The following ANO3 variants were observed in gnomAD, a reference collection of about 807,000 sequenced individuals.
The protein encoded by ANO3 is anoctamin-3.
In ANO3, 99 loss-of-function variants were observed where a neutral mutation model predicts 144.8. That is an observed-to-expected ratio of 0.68 (90% CI 0.58 to 0.81). ANO3 has a LOEUF of 0.81. ANO3 is among the 30% of genes least tolerant of loss of function. ANO3 has a pLI of 0.00. For synonymous variants in ANO3, 414 were observed against 392.6 expected, an observed-to-expected ratio of 1.05 and a Z score of -0.64; for missense variants, 905 against 1,202.2, an observed-to-expected ratio of 0.75 and a Z score of 3.66.
chr11:26,291,475 T>TGTTA (rs1564951581), intron 1 of ANO3, among the ~76,000 whole-genome samples: 1 of 152,154 alleles, frequency 6.6e-6, no homozygotes, highest in Non-Finnish European at 1.5e-5. Flanking sequence ...TTATTTTGTT[T>TGTTA]GTTAGTTGAT....
At chr11:26,424,320 A>G (rs538440525) in intron 1 of ANO3, among the ~76,000 whole-genome samples, 2 of 151,034 alleles carry the variant, frequency 1.3e-5, no homozygotes, top group African/African-American at 4.9e-5. Flanking sequence ...TTCACTTAAC[A>G]TGTCACTTCT....
intron 23 of ANO3, among the ~76,000 whole-genome samples, chr11:26,643,762 A>C (rs1853248842): frequency 6.6e-6 from 1 of 152,038 alleles, no homozygotes; most frequent in African/African-American, 2.4e-5. Context: ...ATGATCCCTC[A>C]TGAATGGGAT....
At chr11:26,420,366 T>C (rs1206672134) in intron 1 of ANO3, among the ~76,000 whole-genome samples, 1 of 152,078 alleles carries the variant, frequency 6.6e-6, no homozygotes. Context: ...ATATTTGTAA[T>C]AGGTAATCTC....
chr11:26,545,718 A>T (rs1849769512), intron 11 of ANO3, among the ~76,000 whole-genome samples: 1 of 133,718 alleles, frequency 7.5e-6, no homozygotes. Context: ...AATATTAAAA[A>T]AAAAAAAAAC....
At chr11:26,354,976 T>A (rs1395603724) in intron 1 of ANO3, among the ~76,000 whole-genome samples, 1 of 151,296 alleles carries the variant, frequency 6.6e-6, no homozygotes, top group East Asian at 2.0e-4. Flanking sequence ...CTAGCAATAA[T>A]GTTTTCTTGT....
In ANO3 at chr11:26,267,933, G is replaced by A. The variant is rs145727399; in HGVS notation, c.155-41712G>A. On this transcript the variant is annotated intron_variant, in intron 1 of 27. Coordinates refer to the ANO3 transcript ENST00000672621. ...AATCATATGCTAAAATAAAAATTTC[G>A]CAAAAACTATTTTAAAATCCAAAGT... Among the ~76,000 whole-genome samples, 67 of 151,824 alleles carry A rather than the reference G, an allele frequency of 4.4e-4. No homozygotes were observed. In the East Asian group the frequency reaches 0.01, roughly 24 times the overall value.
At chr11:26,603,948 T>C (rs1237121269) in intron 17 of ANO3, among the ~76,000 whole-genome samples, 1 of 152,148 alleles carries the variant, frequency 6.6e-6, no homozygotes, top group East Asian at 1.9e-4. Flanking sequence ...ATCATTTCTT[T>C]GTGATGGTCA....
chr11:26,382,431 G>A (rs763822820), intron 1 of ANO3, among the ~76,000 whole-genome samples: 7 of 152,050 alleles, frequency 4.6e-5, no homozygotes, highest in Admixed American at 2.6e-4. Context: ...TACCTGGCTC[G>A]TCTGCTCTTA....
At chr11:26,218,278 T>C in intron 1 of ANO3, among the ~76,000 whole-genome samples, 1 of 152,130 alleles carries the variant, frequency 6.6e-6, no homozygotes, top group East Asian at 1.9e-4. Flanking sequence ...AATGACATGG[T>C]AGCTGTGCTT....
At chr11:26,572,941 G>C (rs1362006011) in intron 14 of ANO3, among the ~76,000 whole-genome samples, 1 of 152,128 alleles carries the variant, frequency 6.6e-6, no homozygotes, top group Non-Finnish European at 1.5e-5. Context: ...AATTTCAGAA[G>C]TGCCCAGGTA....
chr11:26,591,384 C>T lies in ANO3; in HGVS notation c.1448-6981C>T, dbSNP rs1851448516. ...TGGGCTAGCAGGCTGGTCCAGGGGT[C>T]TGCAGTAGATCTTAGTCATGGACTG... On this transcript the variant is annotated intron_variant, in intron 14 of 26. Coordinates refer to ENST00000256737, the MANE Select transcript of ANO3 (RefSeq NM_031418.4). Among the ~76,000 whole-genome samples, 3 of 152,114 alleles carry T rather than the reference C, an allele frequency of 2.0e-5. No homozygotes were observed. The South Asian group carries it at 6.2e-4, about 32-fold the overall frequency.
chr11:26,606,143 TTCTCAC>T (rs940246495), intron 17 of ANO3, among the ~76,000 whole-genome samples: 73 of 152,344 alleles, frequency 4.8e-4, no homozygotes, highest in African/African-American at 1.6e-3. Flanking sequence ...TGTGTCTTTG[TTCTCAC>T]TGGTTTCAAA....
At chr11:26,640,756 A>C (rs10835038) in intron 21 of ANO3, among the ~76,000 whole-genome samples, 57,308 of 151,850 alleles carry the variant, frequency 0.38, 11,657 homozygotes, top group South Asian at 0.49. Flanking sequence ...GATATCTAGG[A>C]AAAGGCTTTG....
At chr11:26,387,729 T>C (rs990792725) in intron 1 of ANO3, among the ~76,000 whole-genome samples, 54 of 152,274 alleles carry the variant, frequency 3.5e-4, no homozygotes, top group African/African-American at 1.3e-3. Flanking sequence ...CACATGTATT[T>C]TGGTGGATGT....
At chr11:26,517,988 T>C (rs538454570) in intron 6 of ANO3, among the ~76,000 whole-genome samples, 1 of 152,194 alleles carries the variant, frequency 6.6e-6, no homozygotes, top group South Asian at 2.1e-4. Flanking sequence ...CTTATATTCA[T>C]GCTTGGCTAA....
chr11:26,625,049 C>T (rs60530378), intron 18 of ANO3, among the ~76,000 whole-genome samples: 25,481 of 152,036 alleles, frequency 0.17, 2,499 homozygotes, highest in East Asian at 0.33. Context: ...CTCAGCCTCC[C>T]GAGTAGTTGG....
At position 26,643,394 on chromosome 11, in the gene ANO3, G is replaced by T. The variant is rs1008573523; in HGVS notation, c.2428+60G>T. 2.3e-5 allele frequency: 37 copies of T among 1,583,368 alleles called. No homozygotes were observed. The East Asian group carries it at 7.2e-4, about 31-fold the overall frequency. On this transcript the variant is annotated intron_variant, in intron 23 of 26. Transcript: ENST00000256737. ...TAACACCAATAGGTTGCTATGGTTT[G>T]AGTGTGCCCCCAGATTCATATGTTG...
chr11:26,291,126 G>C (rs1173527834), intron 1 of ANO3, among the ~76,000 whole-genome samples: 3 of 152,154 alleles, frequency 2.0e-5, no homozygotes, highest in East Asian at 1.9e-4. Flanking sequence ...AGGATAGTTA[G>C]CTCTTCTTAT....
intron 1 of ANO3, among the ~76,000 whole-genome samples, chr11:26,336,064 G>A (rs1564970712): frequency 6.6e-6 from 1 of 152,140 alleles, no homozygotes; most frequent in Non-Finnish European, 1.5e-5. Flanking sequence ...ACAACTGGGA[G>A]CATATGTTTG....
Sources: gnomAD v4.1 joint callset for allele counts (sites outside exome capture counted in the v4.1 genomes callset) on GRCh38, gnomAD v4.1.1 for gene constraint, MANE v1.5 for transcripts, NCBI Gene and HGNC (gene_info 2026-07-23, HGNC 2026-07-21) for gene names.